RRAS: variants seen among roughly 807,000 people sequenced by gnomAD.
RRAS encodes RAS related.
In RRAS, 18 loss-of-function variants were observed where a neutral mutation model predicts 23.3. That is an observed-to-expected ratio of 0.77 (90% confidence interval 0.53 to 1.15). RRAS has a LOEUF of 1.15. Among genes scored for constraint, RRAS ranks in the 50% most tolerant of loss-of-function variants. The pLI is 0.00. For synonymous variants in RRAS, 133 were observed against 138.3 expected (o/e 0.96, Z 0.27); for missense variants, 291 against 317.1 (o/e 0.92, Z 0.62).
chr19:49,637,612 TC>T (rs1246438879), intron 1 of RRAS, among the ~76,000 whole-genome samples: 1 of 151,342 alleles, frequency 6.6e-6, no homozygotes, highest in African/African-American at 2.4e-5. Context: ...CCCTGCCCTG[TC>T]CTTCTCTCTC....
Position 49,639,962 on chromosome 19 carries a change from G to T in RRAS, c.137C>A (p.Thr46Asn), listed in dbSNP as rs2122429535. The change falls in exon 1 of 6, where the codon ACC (threonine) becomes AAC (asparagine). Residue 46 changes from threonine (T) to asparagine (N), a missense_variant. Coordinates refer to ENST00000246792, the MANE Select transcript of RRAS (RefSeq NM_006270.5). ...GCCCACTACCTGGATGAACTGGATG[G>T]TCAGCGCGCTCTTGCCCACGCCGCC... ...GGGGVGKSAL[T>N]IQFIQSYFVS... 1.9e-6 allele frequency: 3 copies of T among 1,591,224 alleles called. No individual in the cohort carries two copies. The highest frequency in any genetic ancestry group is 2.6e-6 in the Non-Finnish European group (3 of 1,174,468).
In RRAS at chr19:49,635,871, CGGG is replaced by C. The variant is rs1163994976; in HGVS notation, c.454-22_454-20del. ...GGGGGACCTGGGGGTAGGGGGGACA[CGGG>C]GGAGTCAGGTCCCTGCACTCAGGGT... is the stretch of plus-strand genomic sequence containing the variant. On this transcript the variant is annotated intron_variant, in intron 4 of 5. Coordinates refer to ENST00000246792, the MANE Select transcript of RRAS (RefSeq NM_006270.5). 4.2e-5 allele frequency: 18 copies of C among 431,750 alleles called. 2 individuals are homozygous for C. The highest frequency in any genetic ancestry group is 7.7e-5 in the Non-Finnish European group (17 of 220,868). The allele number at this position is 431,750 out of a possible 1,614,324, so 26.7% of individuals were successfully genotyped here.
At position 49,635,740 on chromosome 19, in the gene RRAS, G is replaced by A; in HGVS notation, c.566C>T (p.Ala189Val). Residue 189 changes from alanine (A) to valine (V), a missense_variant, in exon 5 of 6, where the codon GCT becomes GTT. Physicochemically the swap from Ala to Val is moderately conservative, Grantham distance 64 (BLOSUM62 0). Coordinates refer to ENST00000246792, the MANE Select transcript of RRAS (RefSeq NM_006270.5). ...GGAAGGGGACTTGGCTCACCGGACA[G>A]CCCGCACCAGCTGCTCAAAAGCCTC... ...VDEAFEQLVR[A>V]VRKYQEQELP... is the part of the protein sequence containing the mutation. The A allele has an allele frequency of 3.2e-6, 5 of 1,584,262 alleles. No homozygotes were observed. The highest frequency in any genetic ancestry group is 4.3e-6 in the Non-Finnish European group (5 of 1,157,252).
Position 49,635,867 on chromosome 19 carries a change from GA to G in RRAS, c.454-16del. 7.1e-5 allele frequency: 39 copies of G among 547,764 alleles called. No homozygotes were observed. Among genetic ancestry groups the G allele is most frequent in the Non-Finnish European group, 1.1e-4 (31 of 293,054 alleles). The allele number at this position is 547,764 out of a possible 1,614,324, so 33.9% of individuals were successfully genotyped here. ...GATCGGGGGACCTGGGGGTAGGGGG[GA>G]CACGGGGGAGTCAGGTCCCTGCACT... On this transcript the variant is annotated splice_polypyrimidine_tract_variant and intron_variant, in intron 4 of 5. Coordinates refer to ENST00000246792, the MANE Select transcript of RRAS (RefSeq NM_006270.5).
intron 4 of RRAS, 23 bp from the exon 5 acceptor site, chr19:49,635,875 G>A: frequency 8.6e-7 from 1 of 1,158,798 alleles, no homozygotes; most frequent in Non-Finnish European, 1.3e-6. Context: ...GGGACACGGG[G>A]GAGTCAGGTC....
At chr19:49,638,165 C>T (rs962046782) in intron 1 of RRAS, among the ~76,000 whole-genome samples, 1 of 152,190 alleles carries the variant, frequency 6.6e-6, no homozygotes, top group Admixed American at 6.5e-5. Context: ...GTCCCGGTTC[C>T]AATCCGGCTG....
At position 49,635,855 on chromosome 19, in the gene RRAS, G is replaced by T; in HGVS notation, c.454-3C>A. On this transcript the variant is annotated splice_polypyrimidine_tract_variant and splice_region_variant and intron_variant, in intron 4 of 5. Transcript: ENST00000246792. ...GCAGAGGCTTCTGATCGGGGGACCT[G>T]GGGGTAGGGGGGACACGGGGGAGTC... 1 of 1,448,706 alleles carries T rather than the reference G, an allele frequency of 6.9e-7. No homozygotes were observed. The highest frequency in any genetic ancestry group is 9.6e-7 in the Non-Finnish European group (1 of 1,043,612). The allele number at this position is 1,448,706 out of a possible 1,614,324, so 89.7% of individuals were successfully genotyped here.
Position 49,637,301 on chromosome 19 carries a change from C to CTTTTTTTTTTTTTTTTTTTTTTTTTTTTT in RRAS, c.154-172_154-171insAAAAAAAAAAAAAAAAAAAAAAAAAAAAA, listed in dbSNP as rs11400258. On this transcript the variant is annotated intron_variant, in intron 1 of 5. Coordinates refer to ENST00000246792, the MANE Select transcript of RRAS (RefSeq NM_006270.5). ...CTCTGTCCCGTCTGTCTCTCTGAGT[C>CTTTTTTTTTTTTTTTTTTTTTTTTTTTTT]TTTTTTTTTTTTTTTTTTTTTTGAG... Among the ~76,000 whole-genome samples the CTTTTTTTTTTTTTTTTTTTTTTTTTTTTT allele has an allele frequency of 3.8e-5, 4 of 104,114 alleles. 2 individuals carry two copies. 68.3% of individuals were successfully genotyped at this position (104,114 alleles called of 152,430 possible). A position where few individuals can be genotyped will look rare whatever the true frequency, so the allele number is the denominator to read the frequency against.
rs773652821 is a variant in RRAS at position 49,635,876 on chromosome 19, G to T, written c.454-24C>A. On this transcript the variant is annotated intron_variant, in intron 4 of 5. Transcript: ENST00000246792. The stretch of plus-strand genomic sequence containing the variant: ...ACCTGGGGGTAGGGGGGACACGGGG[G>T]AGTCAGGTCCCTGCACTCAGGGTGA... 5.3e-6 allele frequency: 6 copies of T among 1,125,024 alleles called. No homozygotes were observed. In the East Asian group the frequency reaches 7.6e-5, roughly 14 times the overall value. 69.7% of individuals were successfully genotyped at this position (1,125,024 alleles called of 1,614,324 possible).
rs147177834 is a variant in RRAS, at chr19:49,635,296, G to A, written c.*280C>T. The A allele has an allele frequency of 2.2e-5, 6 of 275,562 alleles. No homozygotes were observed. The highest frequency in any genetic ancestry group is 6.0e-5 in the East Asian group (1 of 16,652). The allele number at this position is 275,562 out of a possible 1,614,324, so 17.1% of individuals were successfully genotyped here. Reference sequence around the variant, plus strand: ...ACCTTTTTAGAAAGCACCTCCTGACGTTGGCAGTGACATTTATTTTTCTGG... The same window carrying A: ...ACCTTTTTAGAAAGCACCTCCTGACATTGGCAGTGACATTTATTTTTCTGG... On this transcript the variant is annotated 3_prime_UTR_variant, in exon 6 of 6. Transcript: ENST00000246792.
chr19:49,639,155 C>T (rs890672633), intron 1 of RRAS, among the ~76,000 whole-genome samples: 4 of 152,014 alleles, frequency 2.6e-5, no homozygotes, highest in Non-Finnish European at 5.9e-5. Context: ...TGGGGCCGGG[C>T]ACGGTGGCTC....
intron 1 of RRAS, among the ~76,000 whole-genome samples, chr19:49,639,637 G>T (rs1445111962): frequency 2.0e-5 from 3 of 151,690 alleles, no homozygotes; most frequent in Admixed American, 1.3e-4. Context: ...GGTCCGAATG[G>T]GGTGAGTATT....
chr19:49,638,620 G>A (rs917074719), intron 1 of RRAS, among the ~76,000 whole-genome samples: 1 of 152,120 alleles, frequency 6.6e-6, no homozygotes, highest in Non-Finnish European at 1.5e-5. Flanking sequence ...TGTGGCTCTG[G>A]GGGTAGTTAG....
At chr19:49,635,707 G>C in intron 5 of RRAS, 27 bp downstream of exon 5, 1 of 1,546,844 alleles carries the variant, frequency 6.5e-7, no homozygotes, top group Non-Finnish European at 8.8e-7. Context: ...CTGGGGACAA[G>C]GACGACAGGA....
In RRAS at chr19:49,635,657, T is replaced by C. The variant is rs1260602560; in HGVS notation, c.576A>G (p.Lys192=). 10 of 1,467,884 alleles carry C rather than the reference T, an allele frequency of 6.8e-6. No individual in the cohort carries two copies. Among genetic ancestry groups the C allele is most frequent in the Middle Eastern group, 1.9e-4 (1 of 5,364 alleles). The allele number at this position is 1,467,884 out of a possible 1,614,324, so 90.9% of individuals were successfully genotyped here. A position where few individuals can be genotyped will look rare whatever the true frequency, so the allele number is the denominator to read the frequency against. The change falls in exon 6 of 6, where the codon AAA becomes AAG. Residue 192 remains lysine, a synonymous_variant. Coordinates refer to ENST00000246792, the MANE Select transcript of RRAS (RefSeq NM_006270.5). The part of the protein sequence containing the change: ...AFEQLVRAVR[K]YQEQELPPSP... ...TCGGTGGGAGCTCTTGTTCCTGGTA[T>C]TTCCTGTGGGAAAACGCCAGTGAGT...
At chr19:49,639,135 G>C (rs1344805561) in intron 1 of RRAS, among the ~76,000 whole-genome samples, 1 of 152,062 alleles carries the variant, frequency 6.6e-6, no homozygotes, top group Non-Finnish European at 1.5e-5. Flanking sequence ...AAGGGGCTAA[G>C]AATCAAACGT....
chr19:49,636,115 C>T lies in RRAS; in HGVS notation c.454-263G>A, dbSNP rs1322963887. 2.0e-5 allele frequency among the ~76,000 whole-genome samples: 3 copies of T among 152,244 alleles called. No individual in the cohort carries two copies. Among genetic ancestry groups the T allele is most frequent in the South Asian group, 2.1e-4 (1 of 4,824 alleles). On this transcript the variant is annotated intron_variant, in intron 4 of 5. Transcript: ENST00000246792. The surrounding 1 kb of genome is among the most constrained non-coding windows in gnomAD (Gnocchi z 4.5). ...GGGCAGGCAGGGAAGTCAGGGTGTT[C>T]CCGGCAGAGGCAGGCGGAACCCCAA...
At chr19:49,639,259 A>G (rs1160408797) in intron 1 of RRAS, among the ~76,000 whole-genome samples, 4 of 151,976 alleles carry the variant, frequency 2.6e-5, no homozygotes, top group African/African-American at 9.7e-5. Context: ...CCCCGTCTCT[A>G]CTAAAAAATA....
rs1760997546 is a variant in RRAS at position 49,636,753 on chromosome 19, G to T, written c.345-26C>A. On this transcript the variant is annotated intron_variant, in intron 3 of 5. Transcript: ENST00000246792. This position sits in a 1 kb window ranked among gnomAD's most constrained non-coding sequence, Gnocchi z 4.5. The stretch of plus-strand genomic sequence containing the variant: ...CTGCGAGTGAAGCCGGAGGCATGAG[G>T]TCCAGCCAGCTGCAGAGCCCAGGTC... 6.2e-7 allele frequency: 1 copy of T among 1,611,128 alleles called. No individual in the cohort carries two copies. The highest frequency in any genetic ancestry group is 1.1e-5 in the South Asian group (1 of 91,048).
Sources: gnomAD v4.1 joint callset for allele counts (sites outside exome capture counted in the v4.1 genomes callset) on GRCh38, gnomAD v4.1.1 for gene constraint, Gnocchi (gnomAD v3.1) non-coding constraint, MANE v1.5 for transcripts, NCBI Gene and HGNC (gene_info 2026-07-23, HGNC 2026-07-21) for gene names.